The following TRANK1 variants were observed in gnomAD, a reference collection of about 807,000 sequenced individuals.
The protein encoded by TRANK1 is tetratricopeptide repeat and ankyrin repeat containing 1, also known as TPR and ankyrin repeat-containing protein 1.
In TRANK1, 198 loss-of-function variants were observed where a neutral mutation model predicts 266.0. The ratio of observed to expected loss-of-function variants is 0.74; its 90% CI spans 0.66 to 0.84. TRANK1 has a LOEUF of 0.84. Among genes scored for constraint, TRANK1 ranks in the 40% least tolerant of loss-of-function variants. TRANK1 has a pLI of 0.00. For synonymous variants in TRANK1, 1,396 were observed against 1,384.1 expected (o/e 1.01, Z -0.19); for missense variants, 3,326 against 3,634.6 (o/e 0.92, Z 2.18).
intron 10 of TRANK1, among the ~76,000 whole-genome samples, chr3:36,862,693 AAG>A (rs2079157812): frequency 6.6e-6 from 1 of 152,218 alleles, no homozygotes; most frequent in Non-Finnish European, 1.5e-5. Flanking sequence ...GAACCACTGA[AAG>A]AGAGAGACAG....
At chr3:36,921,412 T>G (rs2080211726) in intron 1 of TRANK1, among the ~76,000 whole-genome samples, 1 of 152,232 alleles carries the variant, frequency 6.6e-6, no homozygotes, top group Non-Finnish European at 1.5e-5. Context: ...GTTCCAGTGC[T>G]ATTTCCTTGC....
intron 1 of TRANK1, among the ~76,000 whole-genome samples, chr3:36,918,526 A>G (rs375183826): frequency 0.032 from 746 of 23,242 alleles, 110 homozygotes; most frequent in African/African-American, 0.092. Flanking sequence ...AAAGAAAGAA[A>G]GAAAGAAGGA....
intron 17 of TRANK1, among the ~76,000 whole-genome samples, chr3:36,844,938 A>G (rs2078895580): frequency 6.6e-6 from 1 of 152,134 alleles, no homozygotes; most frequent in African/African-American, 2.4e-5. Flanking sequence ...ACTAACCCTC[A>G]AGAAAGACAA....
chr3:36,875,791 C>A (rs2079379939), intron 8 of TRANK1, among the ~76,000 whole-genome samples: 1 of 152,108 alleles, frequency 6.6e-6, no homozygotes. Flanking sequence ...TTATGTTTAA[C>A]AATTATAGAA....
At position 36,903,196 on chromosome 3, in the gene TRANK1, A is replaced by G. The variant is rs1035191977; in HGVS notation, c.235T>C (p.Phe79Leu). 1.2e-5 allele frequency: 19 copies of G among 1,537,304 alleles called. No individual in the cohort carries two copies. The South Asian group carries it at 1.9e-4, about 15-fold the overall frequency. ...FFSLGKWNEAFVAAKECLQWD... is the reference protein window; with the variant it reads ...FFSLGKWNEALVAAKECLQWD... ...TGGAGACATTCCTTGGCAGCAACAA[A>G]TGCCTCATTCCACTTCCCAAGGCTG... The change falls in exon 3 of 24, where the codon TTT becomes CTT. Residue 79 changes from phenylalanine to leucine, a missense_variant. By Grantham distance (22) the Phe-to-Leu change is conservative (BLOSUM62 0). Coordinates refer to ENST00000645898, the MANE Select transcript of TRANK1 (RefSeq NM_001329998.2).
intron 1 of TRANK1, among the ~76,000 whole-genome samples, chr3:36,944,307 C>T (rs778368576): frequency 6.6e-6 from 1 of 152,200 alleles, no homozygotes; most frequent in Non-Finnish European, 1.5e-5. Flanking sequence ...CGGGAAGAGG[C>T]CAGCGCGCTC....
chr3:36,852,177 T>A lies in TRANK1; in HGVS notation c.4718A>T (p.Lys1573Ile), dbSNP rs1289316769. The A allele has an allele frequency of 3.1e-6, 5 of 1,603,124 alleles. No individual in the cohort carries two copies. The highest frequency in any genetic ancestry group is 4.2e-6 in the Non-Finnish European group (5 of 1,177,424). The part of the protein sequence containing the change: ...LAILLRGNKR[K>I]TQPIEFGAHQ... ...GGCTCCAAATTCAATGGGCTGAGTT[T>A]TCCTTTTATTCCCTCGTAGCAAAAT... Residue 1573 changes from lysine to isoleucine, a missense_variant, in exon 14 of 24, where the codon AAA becomes ATA. By Grantham distance (102) the Lys-to-Ile change is moderately radical. Coordinates refer to ENST00000645898, the MANE Select transcript of TRANK1 (RefSeq NM_001329998.2).
At chr3:36,895,823 G>A (rs1409891826) in intron 4 of TRANK1, 65 bp from the exon 5 acceptor site, 3 of 1,087,162 alleles carry the variant, frequency 2.8e-6, no homozygotes, top group African/African-American at 3.2e-5. Context: ...TTGGGAAAAG[G>A]TCCTCCAATT....
Position 36,827,198 on chromosome 3 carries a change from C to A in TRANK1, c.*1077G>T. On this transcript the variant is annotated 3_prime_UTR_variant, in exon 24 of 24. Transcript: ENST00000645898. Reference sequence around the variant, plus strand: ...GGATCAGCTGATGGCTGCTGGCTCACTGTGGGGAGAGGGTAGGCAATGGCC... The same window carrying A: ...GGATCAGCTGATGGCTGCTGGCTCAATGTGGGGAGAGGGTAGGCAATGGCC... 6.6e-6 allele frequency: 1 copy of A among 152,420 alleles called. No individual in the cohort carries two copies. The highest frequency in any genetic ancestry group is 1.5e-5 in the Non-Finnish European group (1 of 68,122). 9.4% of individuals were successfully genotyped at this position (152,420 alleles called of 1,614,324 possible).
At chr3:36,854,264 G>A (rs1158250973) in intron 13 of TRANK1, among the ~76,000 whole-genome samples, 4 of 152,076 alleles carry the variant, frequency 2.6e-5, no homozygotes, top group Non-Finnish European at 4.4e-5. Flanking sequence ...GGAGGCTGAG[G>A]CAGGAGAATT....
At chr3:36,883,182 T>C (rs2079554524) in intron 8 of TRANK1, among the ~76,000 whole-genome samples, 1 of 152,174 alleles carries the variant, frequency 6.6e-6, no homozygotes, top group Non-Finnish European at 1.5e-5. Context: ...GGCTCATGCC[T>C]GTAATCTCAG....
At chr3:36,910,796 T>C (rs1229412241) in intron 1 of TRANK1, among the ~76,000 whole-genome samples, 1 of 150,868 alleles carries the variant, frequency 6.6e-6, no homozygotes, top group Admixed American at 6.6e-5. Context: ...GTGCGCTGGC[T>C]CATGCCTGTA....
intron 21 of TRANK1, 101 bp from the exon 22 acceptor site, chr3:36,834,020 T>C: frequency 8.4e-7 from 1 of 1,190,540 alleles, no homozygotes; most frequent in Non-Finnish European, 1.1e-6. Context: ...AACTCCCACA[T>C]GTAGATATTA....
At chr3:36,931,274 A>T (rs928174287) in intron 1 of TRANK1, among the ~76,000 whole-genome samples, 2 of 152,308 alleles carry the variant, frequency 1.3e-5, no homozygotes, top group Admixed American at 1.3e-4. Context: ...AGTGTTAAAA[A>T]AAAAAGAATG....
intron 15 of TRANK1, among the ~76,000 whole-genome samples, chr3:36,848,970 A>G (rs11129737): frequency 0.23 from 35,474 of 152,144 alleles, 4,914 homozygotes; most frequent in East Asian, 0.57. Context: ...TGTTTCATGA[A>G]TCAAACATAT....
chr3:36,894,151 G>A (rs1256715134), intron 5 of TRANK1, among the ~76,000 whole-genome samples: 3 of 152,212 alleles, frequency 2.0e-5, no homozygotes, highest in Non-Finnish European at 2.9e-5. Flanking sequence ...CACTTGGGCT[G>A]GATTCCTGGG....
intron 3 of TRANK1, among the ~76,000 whole-genome samples, chr3:36,899,471 A>G (rs558905526): frequency 1.3e-5 from 2 of 152,314 alleles, no homozygotes; most frequent in East Asian, 3.9e-4. Flanking sequence ...CCTAGGCAAC[A>G]TAGTGAGACC....
At chr3:36,885,077 G>GA (rs2079583903) in intron 8 of TRANK1, among the ~76,000 whole-genome samples, 1 of 152,134 alleles carries the variant, frequency 6.6e-6, no homozygotes, top group Non-Finnish European at 1.5e-5. Context: ...AGTTTGAGAA[G>GA]AAACAGGGTA....
chr3:36,894,147 G>C (rs1575276861), intron 5 of TRANK1, among the ~76,000 whole-genome samples: 1 of 152,332 alleles, frequency 6.6e-6, no homozygotes, highest in Non-Finnish European at 1.5e-5. Context: ...CTGCCACTTG[G>C]GCTGGATTCC....
Sources: gnomAD v4.1 joint callset for allele counts (sites outside exome capture counted in the v4.1 genomes callset) on GRCh38, gnomAD v4.1.1 for gene constraint, MANE v1.5 for transcripts, NCBI Gene and HGNC (gene_info 2026-07-23, HGNC 2026-07-21) for gene names.